Variants in NAALADL2 observed in about 807,000 individuals in gnomAD.
NAALADL2 encodes the protein inactive N-acetylated-alpha-linked acidic dipeptidase-like protein 2.
Under a neutral mutation model 87.2 loss-of-function variants are expected in NAALADL2, and 76 were observed. The observed-to-expected ratio is 0.87, with a 90% CI of 0.72 to 1.05. The LOEUF (loss-of-function observed/expected upper bound fraction) is 1.05, where lower values mean the gene tolerates loss of function less well. NAALADL2 is among the 50% of genes least tolerant of loss of function. The pLI, the probability that NAALADL2 is intolerant of heterozygous loss-of-function variation, is 0.00. For missense variants in NAALADL2, 1,089 were observed against 945.8 expected (o/e 1.15, Z -1.99); for synonymous variants, 354 against 331.0 (o/e 1.07, Z -0.75).
intron 5 of NAALADL2, among the ~76,000 whole-genome samples, chr3:175,350,017 T>G (rs1174240046): frequency 6.6e-6 from 1 of 151,484 alleles, no homozygotes; most frequent in Non-Finnish European, 1.5e-5. Context: ...ACACTTACAG[T>G]TTTTCATGCT....
At chr3:175,459,400 AG>A (rs1208100247) in intron 6 of NAALADL2, among the ~76,000 whole-genome samples, 3 of 152,066 alleles carry the variant, frequency 2.0e-5, no homozygotes, top group Non-Finnish European at 4.4e-5. Flanking sequence ...TTGACCTTCT[AG>A]ATCCAGAGAG....
intron 5 of NAALADL2, among the ~76,000 whole-genome samples, chr3:175,426,394 AC>A (rs1716793681): frequency 6.6e-6 from 1 of 152,150 alleles, no homozygotes; most frequent in African/African-American, 2.4e-5. Context: ...AAAATGACTT[AC>A]GTTGTATCAT....
chr3:175,342,505 C>CGTGTGTGTGTGTGTGT lies in NAALADL2; in HGVS notation c.1090+18193_1090+18208dup, dbSNP rs35444340. On this transcript the variant is annotated intron_variant, in intron 5 of 13. Coordinates refer to ENST00000454872, the MANE Select transcript of NAALADL2 (RefSeq NM_207015.3). ...CCCTCCTGGCATTTGCCAAATATTG[C>CGTGTGTGTGTGTGTGT]GTGTGTGTGTGTGTGTGTGTGTGTG... Among the ~76,000 whole-genome samples, 430 of 146,710 alleles carry CGTGTGTGTGTGTGTGT rather than the reference C, an allele frequency of 2.9e-3. 3 individuals are homozygous for CGTGTGTGTGTGTGTGT. Among genetic ancestry groups the CGTGTGTGTGTGTGTGT allele is most frequent in the African/African-American group, 0.01 (403 of 40,218 alleles).
chr3:174,837,046 A>G (rs1290846565), intron 3 of NAALADL2, among the ~76,000 whole-genome samples: 4 of 152,170 alleles, frequency 2.6e-5, no homozygotes, highest in Admixed American at 2.6e-4. Flanking sequence ...ACATTAAAAA[A>G]TCTGAAAGAA....
At chr3:175,692,399 T>C (rs554377659) in intron 11 of NAALADL2, among the ~76,000 whole-genome samples, 22 of 152,254 alleles carry the variant, frequency 1.4e-4, no homozygotes, top group African/African-American at 5.3e-4. Context: ...GTAGTGGACA[T>C]TGTGGTCATG....
At chr3:175,747,268 C>G (rs992247501) in intron 12 of NAALADL2, among the ~76,000 whole-genome samples, 2 of 152,136 alleles carry the variant, frequency 1.3e-5, no homozygotes, top group African/African-American at 4.8e-5. Context: ...CACGGCTTCC[C>G]ATTGTGATCA....
intron 2 of NAALADL2, among the ~76,000 whole-genome samples, chr3:175,210,163 G>A (rs551262920): frequency 1.9e-4 from 29 of 151,832 alleles, no homozygotes; most frequent in Middle Eastern, 3.4e-3. Context: ...TGAATAGGGC[G>A]TTTACAGGAG....
At chr3:174,900,214 A>T (rs1263937214) in intron 1 of NAALADL2, among the ~76,000 whole-genome samples, 1 of 152,116 alleles carries the variant, frequency 6.6e-6, no homozygotes, top group Non-Finnish European at 1.5e-5. Flanking sequence ...TATCACAATT[A>T]GCTTTTATTA....
intron 2 of NAALADL2, among the ~76,000 whole-genome samples, chr3:174,635,414 A>G (rs1334161818): frequency 1.3e-5 from 2 of 152,122 alleles, no homozygotes; most frequent in Non-Finnish European, 2.9e-5. Flanking sequence ...TTTACAGGTT[A>G]TTAGCCATTA....
chr3:175,772,996 T>C (rs897465256), intron 13 of NAALADL2: 1 of 152,142 alleles, frequency 6.6e-6, no homozygotes, highest in Non-Finnish European at 1.5e-5. Context: ...TTTGTGTTAT[T>C]GTTCTTTTCA....
chr3:175,385,915 G>C (rs1303339367), intron 5 of NAALADL2, among the ~76,000 whole-genome samples: 2 of 152,042 alleles, frequency 1.3e-5, no homozygotes, highest in Non-Finnish European at 2.9e-5. Flanking sequence ...CCAAGGAAGA[G>C]GGGAGGGGAG....
intron 2 of NAALADL2, among the ~76,000 whole-genome samples, chr3:174,601,081 T>C (rs1177420754): frequency 1.3e-5 from 2 of 152,180 alleles, no homozygotes; most frequent in Non-Finnish European, 2.9e-5. Flanking sequence ...AATCCAATTA[T>C]ACTCTTTCAG....
rs573603925 is a variant in NAALADL2 at position 175,061,698 on chromosome 3, G to C, written c.44-35092G>C. 6.1e-5 allele frequency among the ~76,000 whole-genome samples: 9 copies of C among 148,664 alleles called. No homozygotes were observed. The East Asian group carries it at 1.6e-3, about 26-fold the overall frequency. Reference sequence around the variant, plus strand: ...TTTCCAAATATAAGGAATAAAATCAGTTATTTAGTTTCACCTGCTCACTTG... The same window carrying C: ...TTTCCAAATATAAGGAATAAAATCACTTATTTAGTTTCACCTGCTCACTTG... On this transcript the variant is annotated intron_variant, in intron 1 of 13. Transcript: ENST00000454872.
intron 1 of NAALADL2, among the ~76,000 whole-genome samples, chr3:174,953,243 C>T (rs925024469): frequency 6.7e-6 from 1 of 148,244 alleles, no homozygotes; most frequent in Non-Finnish European, 1.5e-5. Flanking sequence ...CTGGTTAAAA[C>T]CATTTTATTC....
intron 2 of NAALADL2, among the ~76,000 whole-genome samples, chr3:175,170,900 A>G (rs1734707885): frequency 4.0e-5 from 6 of 151,872 alleles, no homozygotes; most frequent in Admixed American, 2.6e-4. Flanking sequence ...AAAAACATAT[A>G]TAAGAGATTA....
chr3:175,369,213 G>C (rs1475170424), intron 5 of NAALADL2, among the ~76,000 whole-genome samples: 2 of 152,030 alleles, frequency 1.3e-5, no homozygotes, highest in African/African-American at 4.8e-5. Context: ...GCACCTGACT[G>C]TATATATATG....
In NAALADL2 at chr3:175,041,663, C is replaced by T. The variant is rs537357429; in HGVS notation, c.44-55127C>T. On this transcript the variant is annotated intron_variant, in intron 1 of 13. Transcript: ENST00000454872. ...CACTGTAGCTTTGGCTAGATGCTCC[C>T]GTCATTCCTTCTATGCTTTATGTAC... Among the ~76,000 whole-genome samples the T allele has an allele frequency of 2.6e-5, 4 of 152,162 alleles. No homozygotes were observed. The South Asian group carries it at 6.2e-4, about 24-fold the overall frequency.
intron 1 of NAALADL2, among the ~76,000 whole-genome samples, chr3:174,508,631 T>C (rs1042065402): frequency 1.3e-5 from 2 of 152,222 alleles, no homozygotes; most frequent in African/African-American, 2.4e-5. Flanking sequence ...TTTTCACTTA[T>C]TGATGTCATT....
At chr3:174,492,189 GA>G (rs1442933335) in intron 1 of NAALADL2, among the ~76,000 whole-genome samples, 3 of 151,526 alleles carry the variant, frequency 2.0e-5, no homozygotes, top group Non-Finnish European at 2.9e-5. Flanking sequence ...AGAATTGCTG[GA>G]ACCCAGTTGA....
Sources: gnomAD v4.1 joint callset for allele counts (sites outside exome capture counted in the v4.1 genomes callset) on GRCh38, gnomAD v4.1.1 for gene constraint, MANE v1.5 for transcripts, NCBI Gene and HGNC (gene_info 2026-07-23, HGNC 2026-07-21) for gene names.